GSE1: variants seen among roughly 807,000 people sequenced by gnomAD.
The protein encoded by GSE1 is genetic suppressor element 1.
In GSE1, 32 loss-of-function variants were observed where a neutral mutation model predicts 112.6. The observed-to-expected ratio is 0.28, with a 90% CI of 0.21 to 0.38. The LOEUF (loss-of-function observed/expected upper bound fraction) is 0.38. GSE1 is among the 10% of genes least tolerant of loss of function. The pLI, the probability that GSE1 is intolerant of heterozygous loss-of-function variation, is 1.00. For synonymous variants in GSE1, 1,115 were observed against 735.6 expected (o/e 1.52, Z -8.35); for missense variants, 2,348 against 1,699.2 (o/e 1.38, Z -6.71).
chr16:85,666,829 G>T (rs969325252), intron 13 of GSE1, among the ~76,000 whole-genome samples: 1 of 152,226 alleles, frequency 6.6e-6, no homozygotes, highest in Non-Finnish European at 1.5e-5. Context: ...CTGGATCCGT[G>T]GGTTCCGCGT....
At chr16:85,413,568 G>C (rs569106053) in intron 2 of GSE1, among the ~76,000 whole-genome samples, 1 of 152,138 alleles carries the variant, frequency 6.6e-6, no homozygotes, top group East Asian at 1.9e-4. Flanking sequence ...GTAAAGTCAC[G>C]TTAAGCACAC....
intron 2 of GSE1, among the ~76,000 whole-genome samples, chr16:85,500,327 G>A (rs2051318075): frequency 6.6e-6 from 1 of 152,192 alleles, no homozygotes; most frequent in Non-Finnish European, 1.5e-5. Flanking sequence ...GCATCCTGGT[G>A]CTGGCTAATT....
chr16:85,249,568 T>C (rs1339421072), intron 1 of GSE1, among the ~76,000 whole-genome samples: 28 of 152,168 alleles, frequency 1.8e-4, no homozygotes, highest in Admixed American at 1.8e-3. Flanking sequence ...CCAAGACTTC[T>C]CACGGATTGT....
intron 2 of GSE1, among the ~76,000 whole-genome samples, chr16:85,646,910 C>T (rs994826109): frequency 5.9e-5 from 9 of 151,948 alleles, no homozygotes; most frequent in Non-Finnish European, 1.2e-4. Context: ...GGTGGGGGCT[C>T]CGGAAGCGAG....
chr16:85,674,387 A>C lies in GSE1; in HGVS notation c.*1848A>C, dbSNP rs1247354853. 5.3e-5 allele frequency: 8 copies of C among 152,228 alleles called. No individual in the cohort carries two copies. The highest frequency in any genetic ancestry group is 8.8e-5 in the Non-Finnish European group (6 of 68,048). 9.4% of individuals were successfully genotyped at this position (152,228 alleles called of 1,614,324 possible). A position where few individuals can be genotyped will look rare whatever the true frequency, so the allele number is the denominator to read the frequency against. On this transcript the variant is annotated 3_prime_UTR_variant, in exon 16 of 16. Coordinates refer to ENST00000253458, the MANE Select transcript of GSE1 (RefSeq NM_014615.5). ...TCAACAAGCACCTTCCTCTCCACAG[A>C]AGCAGCTGGAAGAGAACTCGAGGGG... is the stretch of plus-strand genomic sequence containing the variant.
intron 14 of GSE1, among the ~76,000 whole-genome samples, chr16:85,670,019 T>TG (rs1423277321): frequency 6.6e-6 from 1 of 152,262 alleles, no homozygotes; most frequent in East Asian, 1.9e-4. Context: ...CAAAGAGTCC[T>TG]GTTAGATTTT....
intron 2 of GSE1, among the ~76,000 whole-genome samples, chr16:85,371,130 C>A (rs540884632): frequency 1.3e-5 from 2 of 152,240 alleles, no homozygotes; most frequent in Non-Finnish European, 2.9e-5. Context: ...CTCCGCCCCC[C>A]TCGTTCCTTC....
chr16:85,260,319 C>CTTTTCTTT (rs1907543573), intron 1 of GSE1, among the ~76,000 whole-genome samples: 2 of 94,866 alleles, frequency 2.1e-5, no homozygotes, highest in African/African-American at 9.1e-5. Flanking sequence ...TTTTTCTTTT[C>CTTTTCTTT]TTTTTTTTTT....
chr16:85,196,126 T>C (rs755424186), intron 1 of GSE1, among the ~76,000 whole-genome samples: 4 of 152,248 alleles, frequency 2.6e-5, no homozygotes, highest in Non-Finnish European at 5.9e-5. Context: ...CAGTTTTTGC[T>C]GCCAAACGAG....
At chr16:85,269,957 G>C (rs74031760) in intron 1 of GSE1, among the ~76,000 whole-genome samples, 1 of 149,528 alleles carries the variant, frequency 6.7e-6, no homozygotes, top group Non-Finnish European at 1.5e-5. Context: ...TAGTGAGCCC[G>C]TGTTGCAGGT....
chr16:85,471,568 T>C (rs569774944), intron 2 of GSE1, among the ~76,000 whole-genome samples: 4 of 152,038 alleles, frequency 2.6e-5, no homozygotes, highest in African/African-American at 7.2e-5. Context: ...CACACCACCA[T>C]GCCCAGATAA....
intron 1 of GSE1, among the ~76,000 whole-genome samples, chr16:85,254,477 C>G (rs984628804): frequency 1.3e-5 from 2 of 151,042 alleles, no homozygotes; most frequent in African/African-American, 5.0e-5. Flanking sequence ...TTAGCATGAC[C>G]CCCCCACTCG....
At chr16:85,277,132 C>T (rs889431580) in intron 1 of GSE1, among the ~76,000 whole-genome samples, 2 of 152,044 alleles carry the variant, frequency 1.3e-5, no homozygotes, top group African/African-American at 4.8e-5. Flanking sequence ...CATCAGAGGC[C>T]CCTGAGACCC....
intron 2 of GSE1, among the ~76,000 whole-genome samples, chr16:85,420,663 G>A (rs758645887): frequency 5.3e-5 from 8 of 152,166 alleles, no homozygotes; most frequent in Non-Finnish European, 1.2e-4. Context: ...CGGGCATGCT[G>A]GTGCTCAGAT....
At chr16:85,517,600 C>T (rs1051245762) in intron 2 of GSE1, among the ~76,000 whole-genome samples, 1 of 135,966 alleles carries the variant, frequency 7.4e-6, no homozygotes, top group Admixed American at 7.0e-5. Flanking sequence ...ATCCCACGCT[C>T]CCCTCCCCCC....
upstream of GSE1, chr16:85,555,516 C>G: frequency 2.0e-6 from 2 of 984,764 alleles, no homozygotes; most frequent in Non-Finnish European, 1.2e-6. Flanking sequence ...ATCTCCCCCT[C>G]GGTACTTCTT....
chr16:85,573,975 C>G (rs2046115700), intron 1 of GSE1, among the ~76,000 whole-genome samples: 1 of 152,342 alleles, frequency 6.6e-6, no homozygotes, highest in African/African-American at 2.4e-5. Flanking sequence ...GTGGCGCCGT[C>G]TCTTTGGCCA....
intron 1 of GSE1, among the ~76,000 whole-genome samples, chr16:85,301,792 G>T (rs1159482796): frequency 6.6e-6 from 1 of 152,210 alleles, no homozygotes; most frequent in Non-Finnish European, 1.5e-5. Flanking sequence ...CTTCCAGATG[G>T]CCCAGAGGCC....
chr16:85,462,896 C>T (rs1299493021), intron 2 of GSE1, among the ~76,000 whole-genome samples: 2 of 150,638 alleles, frequency 1.3e-5, no homozygotes, highest in Non-Finnish European at 3.0e-5. Flanking sequence ...GGGCGCACCG[C>T]GCAGGGACGC....
Sources: allele counts gnomAD v4.1 joint callset (sites outside exome capture counted in the v4.1 genomes callset), GRCh38; gene constraint gnomAD v4.1.1; transcripts MANE v1.5; gene names NCBI Gene and HGNC (gene_info 2026-07-23, HGNC 2026-07-21).